Variants in CSMD1 observed in about 807,000 individuals in gnomAD.
The protein encoded by CSMD1 is CUB and Sushi multiple domains 1.
CSMD1 carries 213 observed loss-of-function variants against 417.5 expected under a neutral mutation model. The observed-to-expected ratio is 0.51, with a 90% CI of 0.46 to 0.57. The LOEUF is 0.57. Among genes scored for constraint, CSMD1 ranks in the 20% least tolerant of loss-of-function variants. CSMD1 has a pLI of 0.00. For synonymous variants in CSMD1, 2,862 were observed against 1,736.8 expected, an observed-to-expected ratio of 1.65 and a Z score of -16.11; for missense variants, 6,923 against 4,529.7, an observed-to-expected ratio of 1.53 and a Z score of -15.17.
intron 39 of CSMD1, among the ~76,000 whole-genome samples, chr8:3,154,124 G>C (rs995342069): frequency 3.9e-5 from 6 of 152,090 alleles, no homozygotes; most frequent in African/African-American, 1.4e-4. Context: ...CCACAACTGC[G>C]ACTACGCCTG....
At chr8:3,076,779 C>G (rs1004251615) in intron 49 of CSMD1, among the ~76,000 whole-genome samples, 1 of 152,156 alleles carries the variant, frequency 6.6e-6, no homozygotes. Flanking sequence ...CCAGGCTTTG[C>G]GCAAAATGCT....
chr8:4,906,748 C>A (rs1194672570), intron 1 of CSMD1, among the ~76,000 whole-genome samples: 1 of 152,034 alleles, frequency 6.6e-6, no homozygotes, highest in Non-Finnish European at 1.5e-5. Flanking sequence ...TTAGTAGAGA[C>A]GGGGTTTCAC....
intron 4 of CSMD1, among the ~76,000 whole-genome samples, chr8:4,013,703 G>A (rs529043882): frequency 1.3e-5 from 2 of 152,262 alleles, no homozygotes; most frequent in Admixed American, 1.3e-4. Context: ...TCATATTGTA[G>A]CCCCAGCAGC....
chr8:4,768,318 T>G (rs1038321749), intron 1 of CSMD1, among the ~76,000 whole-genome samples: 3 of 151,960 alleles, frequency 2.0e-5, no homozygotes, highest in Non-Finnish European at 2.9e-5. Context: ...TATACTCGCC[T>G]ATGATCGTAA....
chr8:3,768,869 T>C (rs1369435074), intron 5 of CSMD1, among the ~76,000 whole-genome samples: 1 of 152,198 alleles, frequency 6.6e-6, no homozygotes, highest in Non-Finnish European at 1.5e-5. Flanking sequence ...CTCTAGGAAA[T>C]GTCCATCCTA....
intron 10 of CSMD1, among the ~76,000 whole-genome samples, chr8:3,508,840 C>G (rs867462140): frequency 2.6e-4 from 39 of 152,298 alleles, no homozygotes; most frequent in Middle Eastern, 3.4e-3. Flanking sequence ...AGCTGTCACT[C>G]TCCTACACTG....
chr8:3,457,788 A>G (rs1157620211), intron 12 of CSMD1, among the ~76,000 whole-genome samples: 1 of 152,218 alleles, frequency 6.6e-6, no homozygotes, highest in African/African-American at 2.4e-5. Flanking sequence ...ATTGAAAGGA[A>G]AAAACCTGTT....
intron 18 of CSMD1, among the ~76,000 whole-genome samples, chr8:3,372,961 C>T (rs1034299789): frequency 6.6e-6 from 1 of 152,146 alleles, no homozygotes; most frequent in Non-Finnish European, 1.5e-5. Flanking sequence ...GGATTCGTAA[C>T]TTTTCACTGG....
intron 7 of CSMD1, among the ~76,000 whole-genome samples, chr8:3,703,647 C>G (rs1055422129): frequency 6.6e-6 from 1 of 152,096 alleles, no homozygotes; most frequent in Non-Finnish European, 1.5e-5. Flanking sequence ...ACTGGCCTAG[C>G]AGGAAGAAGC....
chr8:4,486,140 TACATATATATATATATACATAC>T (rs1801374001), intron 2 of CSMD1, among the ~76,000 whole-genome samples: 3 of 31,236 alleles, frequency 9.6e-5, no homozygotes, highest in African/African-American at 4.1e-4. Context: ...TATATATACA[TACATATATATATATATACATAC>T]ATATATATAT....
At chr8:4,380,270 C>A (rs1441692339) in intron 3 of CSMD1, among the ~76,000 whole-genome samples, 1 of 152,146 alleles carries the variant, frequency 6.6e-6, no homozygotes, top group Non-Finnish European at 1.5e-5. Context: ...AACACCTCTG[C>A]CAGGTGACTA....
intron 25 of CSMD1, among the ~76,000 whole-genome samples, chr8:3,295,272 C>T (rs928301575): frequency 2.0e-5 from 3 of 151,824 alleles, no homozygotes; most frequent in African/African-American, 4.8e-5. Context: ...CTACAGGTGC[C>T]CACCACCACA....
chr8:3,126,602 C>A (rs1817526019), intron 41 of CSMD1, among the ~76,000 whole-genome samples: 1 of 152,164 alleles, frequency 6.6e-6, no homozygotes, highest in African/African-American at 2.4e-5. Context: ...AGAAGCTCAC[C>A]AATTTCCCAT....
rs1406231587 is a variant in CSMD1 at position 2,947,629 on chromosome 8, A to C, written c.10402+1670T>G. Among the ~76,000 whole-genome samples the C allele has an allele frequency of 2.0e-5, 3 of 152,176 alleles. No homozygotes were observed. The East Asian group carries it at 5.8e-4, about 29-fold the overall frequency. On this transcript the variant is annotated intron_variant, in intron 68 of 69. Transcript: ENST00000635120. ...TCAGGTCAAATTCATTGGATCAGTC[A>C]ACTTAGACATCTACACAGCATCCTG...
intron 4 of CSMD1, 92 bp downstream of exon 4, chr8:4,031,813 A>C (rs2130575010): frequency 4.1e-6 from 4 of 965,850 alleles, no homozygotes; most frequent in Middle Eastern, 3.5e-4. Context: ...AACATGTATT[A>C]TTTTCATTTA....
intron 3 of CSMD1, among the ~76,000 whole-genome samples, chr8:4,111,966 A>G (rs1236040678): frequency 6.6e-6 from 1 of 151,678 alleles, no homozygotes; most frequent in Admixed American, 6.5e-5. Context: ...GTAATTTTAC[A>G]TACATAGTTT....
At position 3,724,091 on chromosome 8, in the gene CSMD1, C is replaced by A. The variant is rs1391320461; in HGVS notation, c.932-15600G>T. The stretch of plus-strand genomic sequence containing the variant: ...TGACTTCAACCAGAATAACAGAGCA[C>A]AGCACATTAAATACGAAAGCAGATA... On this transcript the variant is annotated intron_variant, in intron 6 of 69. Transcript: ENST00000635120. Among the ~76,000 whole-genome samples, 5 of 52,776 alleles carry A rather than the reference C, an allele frequency of 9.5e-5. 1 individual carries two copies. Among genetic ancestry groups the A allele is most frequent in the Non-Finnish European group, 1.9e-4 (2 of 10,506 alleles). 34.6% of individuals were successfully genotyped at this position (52,776 alleles called of 152,430 possible).
intron 40 of CSMD1, among the ~76,000 whole-genome samples, chr8:3,142,976 C>A (rs1331105202): frequency 1.3e-5 from 2 of 152,216 alleles, no homozygotes; most frequent in Non-Finnish European, 2.9e-5. Flanking sequence ...CCTTAGGTAA[C>A]AACTAGCACA....
intron 11 of CSMD1, among the ~76,000 whole-genome samples, chr8:3,469,657 C>T (rs1816973513): frequency 6.6e-6 from 1 of 152,320 alleles, no homozygotes; most frequent in African/African-American, 2.4e-5. Context: ...GGAAGCTTGA[C>T]TTTCAGCAAA....
Sources: gnomAD v4.1 joint callset for allele counts (sites outside exome capture counted in the v4.1 genomes callset) on GRCh38, gnomAD v4.1.1 for gene constraint, MANE v1.5 for transcripts, NCBI Gene and HGNC (gene_info 2026-07-23, HGNC 2026-07-21) for gene names.